PRKCA: variants seen among roughly 807,000 people sequenced by gnomAD.
PRKCA encodes protein kinase C alpha type.
Under a neutral mutation model 87.0 loss-of-function variants are expected in PRKCA, and 27 were observed. The ratio of observed to expected loss-of-function variants is 0.31; its 90% CI spans 0.23 to 0.43. The LOEUF (loss-of-function observed/expected upper bound fraction) is 0.43. PRKCA is among the 20% of genes least tolerant of loss of function. The pLI is 1.00. For missense variants in PRKCA, 518 were observed against 852.3 expected (o/e 0.61, Z 4.88); for synonymous variants, 329 against 311.1 (o/e 1.06, Z -0.61).
At chr17:66,329,695 A>G (rs1033207323) in intron 2 of PRKCA, among the ~76,000 whole-genome samples, 1 of 152,198 alleles carries the variant, frequency 6.6e-6, no homozygotes, top group Non-Finnish European at 1.5e-5. Context: ...ACAAGGTTTC[A>G]AGACAGGAGC....
chr17:66,311,639 C>CA (rs1327562706), intron 2 of PRKCA, among the ~76,000 whole-genome samples: 2 of 152,028 alleles, frequency 1.3e-5, no homozygotes, highest in Non-Finnish European at 2.9e-5. Context: ...CAAACAATAA[C>CA]AAAAAATGCT....
chr17:66,663,386 A>G (rs1164541895), intron 5 of PRKCA, among the ~76,000 whole-genome samples: 1 of 152,212 alleles, frequency 6.6e-6, no homozygotes, highest in Non-Finnish European at 1.5e-5. Flanking sequence ...CCTGGGAGCC[A>G]GGCCTGACTT....
chr17:66,742,975 T>A (rs1467029984), intron 13 of PRKCA, among the ~76,000 whole-genome samples: 1 of 152,214 alleles, frequency 6.6e-6, no homozygotes, highest in East Asian at 1.9e-4. Flanking sequence ...TGTTGTTTGC[T>A]CCATGTGAGC....
intron 2 of PRKCA, among the ~76,000 whole-genome samples, chr17:66,413,538 A>G (rs1002943434): frequency 2.6e-5 from 4 of 152,276 alleles, no homozygotes; most frequent in Admixed American, 6.5e-5. Context: ...TTTTCCTGGC[A>G]ACCAGCCACC....
At chr17:66,782,204 A>G (rs1231304152) in intron 14 of PRKCA, among the ~76,000 whole-genome samples, 2 of 151,326 alleles carry the variant, frequency 1.3e-5, no homozygotes, top group Non-Finnish European at 2.9e-5. Context: ...GAGCCACCAC[A>G]CCCAGCCTGT....
intron 16 of PRKCA, chr17:66,796,342 C>G: frequency 1.4e-6 from 1 of 720,148 alleles, no homozygotes; most frequent in Non-Finnish European, 1.7e-6. Flanking sequence ...CATCAGCTCA[C>G]GTGGGTTTAT....
intron 13 of PRKCA, among the ~76,000 whole-genome samples, chr17:66,747,704 T>G (rs185053409): frequency 1.4e-3 from 207 of 152,372 alleles, no homozygotes; most frequent in Non-Finnish European, 2.1e-3. Context: ...CCACGTTTTC[T>G]TGGCCACTCA....
At chr17:66,621,488 G>T (rs575058877) in intron 3 of PRKCA, among the ~76,000 whole-genome samples, 167 of 152,204 alleles carry the variant, frequency 1.1e-3, no homozygotes, top group African/African-American at 3.6e-3. Context: ...CATACCACCC[G>T]TTTTGACCAC....
intron 2 of PRKCA, among the ~76,000 whole-genome samples, chr17:66,489,118 C>T (rs1457918810): frequency 6.6e-6 from 1 of 151,888 alleles, no homozygotes; most frequent in Admixed American, 6.6e-5. Flanking sequence ...CAAGGAAGCT[C>T]AGCTACCAGT....
intron 2 of PRKCA, among the ~76,000 whole-genome samples, chr17:66,460,408 A>G (rs1480750441): frequency 2.0e-5 from 3 of 152,198 alleles, no homozygotes; most frequent in Non-Finnish European, 1.5e-5. Flanking sequence ...AGGCATACTT[A>G]ATATCCAGGG....
At chr17:66,720,795 G>T (rs766036904) in intron 8 of PRKCA, among the ~76,000 whole-genome samples, 4 of 152,162 alleles carry the variant, frequency 2.6e-5, no homozygotes, top group Non-Finnish European at 5.9e-5. Context: ...GTTGGTCATC[G>T]TTGGCCTGTC....
intron 2 of PRKCA, among the ~76,000 whole-genome samples, chr17:66,483,058 G>C (rs186016261): frequency 6.6e-6 from 1 of 152,150 alleles, no homozygotes; most frequent in Non-Finnish European, 1.5e-5. Flanking sequence ...GTGCTGTCCC[G>C]TAGAGCTGTC....
intron 2 of PRKCA, among the ~76,000 whole-genome samples, chr17:66,380,887 T>C (rs1909739331): frequency 6.6e-6 from 1 of 152,022 alleles, no homozygotes; most frequent in Non-Finnish European, 1.5e-5. Flanking sequence ...CAGTCTCATA[T>C]AAGATTTACA....
intron 2 of PRKCA, among the ~76,000 whole-genome samples, chr17:66,327,812 AT>A (rs930966694): frequency 1.3e-5 from 2 of 151,994 alleles, no homozygotes; most frequent in African/African-American, 4.8e-5. Context: ...TATTCAACAG[AT>A]TTTTTTTCCC....
At chr17:66,733,984 G>A (rs1208484115) in intron 9 of PRKCA, among the ~76,000 whole-genome samples, 1 of 152,204 alleles carries the variant, frequency 6.6e-6, no homozygotes, top group Non-Finnish European at 1.5e-5. Context: ...GATCTGAGTT[G>A]TCAATCAAAG....
In PRKCA at chr17:66,752,016, T is replaced by C. The variant is rs568038364; in HGVS notation, c.1524+9256T>C. ...TCCCACCAGGCCCCACCTCCAGCAC[T>C]GGGGATTACATTTCAACATGAAATG... On this transcript the variant is annotated intron_variant, in intron 13 of 16. Transcript: ENST00000413366. Among the ~76,000 whole-genome samples, 342 of 152,326 alleles carry C rather than the reference T, an allele frequency of 2.2e-3. 1 individual carries two copies. Among genetic ancestry groups the C allele is most frequent in the African/African-American group, 7.4e-3 (309 of 41,574 alleles).
intron 2 of PRKCA, among the ~76,000 whole-genome samples, chr17:66,340,386 T>TTA (rs1906976089): frequency 6.6e-6 from 1 of 151,352 alleles, no homozygotes; most frequent in African/African-American, 2.4e-5. Flanking sequence ...TTTTCTTTTT[T>TTA]TTTTTTGGCT....
At chr17:66,766,828 T>A (rs1030036548) in intron 13 of PRKCA, among the ~76,000 whole-genome samples, 2 of 149,016 alleles carry the variant, frequency 1.3e-5, no homozygotes, top group African/African-American at 2.5e-5. Context: ...AAAAAAAAAA[T>A]TTAATGAAAC....
chr17:66,745,959 G>C (rs1007375683), intron 13 of PRKCA, among the ~76,000 whole-genome samples: 7 of 152,106 alleles, frequency 4.6e-5, no homozygotes, highest in African/African-American at 1.7e-4. Flanking sequence ...GCTTAAGCAT[G>C]GTGCCACGAG....
Sources: gnomAD v4.1 joint callset for allele counts (sites outside exome capture counted in the v4.1 genomes callset) on GRCh38, gnomAD v4.1.1 for gene constraint, MANE v1.5 for transcripts, NCBI Gene and HGNC (gene_info 2026-07-23, HGNC 2026-07-21) for gene names.